Variants in OR3A2 observed in about 807,000 individuals in gnomAD.
OR3A2 encodes olfactory receptor 3A2.
For synonymous variants in OR3A2, 126 were observed against 159.3 expected (o/e 0.79, Z 1.57); for missense variants, 318 against 392.8 (o/e 0.81, Z 1.61).
chr17:3,310,922 A>G (rs1049222689), intron 3 of OR3A2: 3 of 649,076 alleles, frequency 4.6e-6, no homozygotes, highest in Admixed American at 3.8e-5. Flanking sequence ...TGCTGTTTGT[A>G]GCAGCAGCTT....
chr17:3,287,454 G>C (rs910021346), upstream of OR3A2, among the ~76,000 whole-genome samples: 1 of 152,084 alleles, frequency 6.6e-6, no homozygotes, highest in Non-Finnish European at 1.5e-5. Context: ...TCTCTGCTGA[G>C]ATTTTCATTC....
At chr17:3,356,143 C>T (rs2049464386) in intron 2 of OR3A2, among the ~76,000 whole-genome samples, 1 of 151,434 alleles carries the variant, frequency 6.6e-6, no homozygotes, top group Admixed American at 6.6e-5. Context: ...ACCTAAACTT[C>T]ATCCCCCACT....
At chr17:3,291,876 C>G in intron 3 of OR3A2, 1 of 1,614,186 alleles carries the variant, frequency 6.2e-7, no homozygotes, top group Non-Finnish European at 8.5e-7. Flanking sequence ...TTTCTTCCTG[C>G]CCTCTACAGA....
chr17:3,278,477 C>G, exon 2 of OR3A2: 1 of 1,614,130 alleles, frequency 6.2e-7, no homozygotes, highest in South Asian at 1.1e-5. Context: ...ACGCAGCCAC[C>G]AACATCCTCT....
chr17:3,289,957 T>TC (rs2048850413), intron 3 of OR3A2, among the ~76,000 whole-genome samples: 1 of 152,176 alleles, frequency 6.6e-6, no homozygotes, highest in Non-Finnish European at 1.5e-5. Context: ...GTTGGGCAGT[T>TC]CGTCACAAAT....
chr17:3,276,870 G>A (rs1384792751), downstream of OR3A2: 2 of 151,618 alleles, frequency 1.3e-5, no homozygotes, highest in South Asian at 2.1e-4. Context: ...TTTTAATTTA[G>A]TGGGCTCTTT....
At chr17:3,376,411 G>C (rs932892838) in intron 2 of OR3A2, among the ~76,000 whole-genome samples, 1 of 152,208 alleles carries the variant, frequency 6.6e-6, no homozygotes, top group African/African-American at 2.4e-5. Flanking sequence ...ATCAGGGGAA[G>C]GCAGGGTTAG....
At chr17:3,340,375 G>T (rs2049307020) in intron 2 of OR3A2, among the ~76,000 whole-genome samples, 1 of 152,148 alleles carries the variant, frequency 6.6e-6, no homozygotes, top group Non-Finnish European at 1.5e-5. Context: ...GTCAATTTTA[G>T]ATCTTTCCTG....
At chr17:3,317,087 G>C (rs892714871) in intron 3 of OR3A2, among the ~76,000 whole-genome samples, 1 of 152,198 alleles carries the variant, frequency 6.6e-6, no homozygotes, top group Non-Finnish European at 1.5e-5. Flanking sequence ...ATAAGGTTGA[G>C]TACCGGTGCA....
At chr17:3,359,900 T>C (rs59260891) in intron 2 of OR3A2, among the ~76,000 whole-genome samples, 2 of 151,952 alleles carry the variant, frequency 1.3e-5, no homozygotes, top group East Asian at 1.9e-4. Context: ...TGTGTCTTTA[T>C]AGCAGCATGA....
chr17:3,353,235 C>G (rs2049435430), intron 2 of OR3A2, among the ~76,000 whole-genome samples: 1 of 151,632 alleles, frequency 6.6e-6, no homozygotes, highest in Non-Finnish European at 1.5e-5. Context: ...AATGCTTTCC[C>G]TGAATCTTTG....
At chr17:3,332,051 T>C (rs2049239748) in intron 3 of OR3A2, among the ~76,000 whole-genome samples, 1 of 152,122 alleles carries the variant, frequency 6.6e-6, no homozygotes, top group African/African-American at 2.4e-5. Context: ...AGGGACCCAC[T>C]TGAGGAGGCA....
chr17:3,306,367 G>A (rs1405523409), intron 3 of OR3A2, among the ~76,000 whole-genome samples: 2 of 151,498 alleles, frequency 1.3e-5, no homozygotes, highest in African/African-American at 2.4e-5. Context: ...GATCTAGAAC[G>A]CCTGGCCTCA....
chr17:3,342,967 C>T (rs767291487), intron 2 of OR3A2, among the ~76,000 whole-genome samples: 7 of 152,328 alleles, frequency 4.6e-5, no homozygotes, highest in Non-Finnish European at 1.0e-4. Context: ...CAATGGTGGA[C>T]GCCCCTCCTC....
At chr17:3,337,130 C>A (rs1480911082) in intron 2 of OR3A2, among the ~76,000 whole-genome samples, 1 of 152,156 alleles carries the variant, frequency 6.6e-6, no homozygotes, top group East Asian at 1.9e-4. Flanking sequence ...TTTTATTTAA[C>A]CTTCATTTTT....
At chr17:3,324,772 G>A (rs112229886) in intron 3 of OR3A2, among the ~76,000 whole-genome samples, 4 of 150,702 alleles carry the variant, frequency 2.7e-5, no homozygotes, top group East Asian at 1.9e-4. Flanking sequence ...GCCCCTACTC[G>A]GGGGTGCCTC....
intron 1 of OR3A2, among the ~76,000 whole-genome samples, chr17:3,385,771 A>AT (rs1482094637): frequency 2.6e-5 from 4 of 152,136 alleles, no homozygotes; most frequent in Non-Finnish European, 5.9e-5. Flanking sequence ...GAGCAACGTG[A>AT]TTTTCAATCC....
At chr17:3,284,307 G>A (rs1479259871) in intron 1 of OR3A2, 51 bp downstream of exon 3, 1 of 152,010 alleles carries the variant, frequency 6.6e-6, no homozygotes, top group East Asian at 1.9e-4. Flanking sequence ...GGCAACAGAA[G>A]CCCCTTCTCT....
intron 2 of OR3A2, among the ~76,000 whole-genome samples, chr17:3,363,033 C>A (rs376980279): frequency 4.6e-5 from 7 of 151,968 alleles, no homozygotes; most frequent in East Asian, 3.9e-4. Context: ...GCCCATGACA[C>A]CATTTTTCCC....
Sources: gnomAD v4.1 joint callset for allele counts (sites outside exome capture counted in the v4.1 genomes callset) on GRCh38, gnomAD v4.1.1 for gene constraint, MANE v1.5 for transcripts, NCBI Gene and HGNC (gene_info 2026-07-23, HGNC 2026-07-21) for gene names.